SCN2A: variants seen among roughly 807,000 people sequenced by gnomAD.
SCN2A encodes sodium channel protein type 2 subunit alpha.
In SCN2A, 20 loss-of-function variants were observed where a neutral mutation model predicts 188.7. The observed-to-expected ratio is 0.11, with a 90% CI of 0.07 to 0.15. The LOEUF (loss-of-function observed/expected upper bound fraction) is 0.15, where lower values mean the gene tolerates loss of function less well. SCN2A is among the 10% of genes least tolerant of loss of function. The pLI is 1.00. For synonymous variants in SCN2A, 804 were observed against 833.1 expected, an observed-to-expected ratio of 0.97 and a Z score of 0.60; for missense variants, 1,278 against 2,445.0, an observed-to-expected ratio of 0.52 and a Z score of 10.07.
intron 1 of SCN2A, among the ~76,000 whole-genome samples, chr2:165,243,494 C>T (rs1184577219): frequency 1.3e-5 from 2 of 151,562 alleles, no homozygotes; most frequent in African/African-American, 2.4e-5. Context: ...CCCAGCTACT[C>T]GGGAGGCTGA....
chr2:165,285,521 A>G (rs1695788567), intron 1 of SCN2A: 1 of 179,102 alleles, frequency 5.6e-6, no homozygotes, highest in Non-Finnish European at 1.2e-5. Flanking sequence ...ATTTCTGTGG[A>G]CAATTAGGAA....
intron 1 of SCN2A, among the ~76,000 whole-genome samples, chr2:165,240,659 C>CTGTGTGTGTG (rs35247335): frequency 0.12 from 15,690 of 136,228 alleles, 1,075 homozygotes; most frequent in Non-Finnish European, 0.14. Context: ...GTGGAAAGAG[C>CTGTGTGTGTG]TGTGTGTGTG....
intron 13 of SCN2A, among the ~76,000 whole-genome samples, chr2:165,329,748 ACCT>A (rs1322047686): frequency 1.3e-5 from 2 of 152,184 alleles, no homozygotes; most frequent in African/African-American, 4.8e-5. Context: ...AAATAATAAT[ACCT>A]CCTTTTTACC....
intron 20 of SCN2A, chr2:165,372,416 T>C (rs1701085584): frequency 1.3e-5 from 2 of 152,102 alleles, no homozygotes; most frequent in Non-Finnish European, 2.9e-5. Context: ...GCATATTTAT[T>C]TTTATTTATC....
intron 25 of SCN2A, among the ~76,000 whole-genome samples, chr2:165,384,664 GA>G (rs893912023): frequency 3.3e-5 from 5 of 152,054 alleles, no homozygotes; most frequent in African/African-American, 1.2e-4. Flanking sequence ...AAGTGGAAGG[GA>G]AAGAAAACTA....
chr2:165,386,779 A>G lies in SCN2A; in HGVS notation c.4585A>G (p.Thr1529Ala), dbSNP rs1701897272. The G allele has an allele frequency of 6.2e-7, 1 of 1,613,628 alleles. No homozygotes were observed. The highest frequency in any genetic ancestry group is 8.5e-7 in the Non-Finnish European group (1 of 1,179,796). Residue 1529 changes from threonine (T) to alanine (A), a missense_variant, in exon 26 of 27, where the codon ACC (threonine) becomes GCC (alanine). By Grantham distance (58) the Thr-to-Ala change is moderately conservative. Around this residue, in one of 17 missense-constraint regions of SCN2A, gnomAD observed 97 missense variants for 266.1 expected, o/e 0.36. Coordinates refer to ENST00000375437, the MANE Select transcript of SCN2A (RefSeq NM_001040142.2). ...CCAAGGAATGGTCTTTGATTTTGTA[A>G]CCAAACAAGTCTTTGATATCAGCAT... ...KFQGMVFDFV[T>A]KQVFDISIMI...
At chr2:165,299,522 T>C (rs1317593146) in intron 3 of SCN2A, among the ~76,000 whole-genome samples, 1 of 152,226 alleles carries the variant, frequency 6.6e-6, no homozygotes, top group Non-Finnish European at 1.5e-5. Flanking sequence ...ATATTTCAGA[T>C]GTCTCACCTT....
At chr2:165,323,580 T>A in intron 12 of SCN2A, 80 bp downstream of exon 12, 1 of 1,334,538 alleles carries the variant, frequency 7.5e-7, no homozygotes, top group South Asian at 1.3e-5. Flanking sequence ...TTTCCACATC[T>A]AAGAATTTGT....
At chr2:165,365,089 T>A in intron 17 of SCN2A, 54 bp from the exon 18 acceptor site, 1 of 1,509,258 alleles carries the variant, frequency 6.6e-7, no homozygotes, top group Non-Finnish European at 9.1e-7. Flanking sequence ...TTAATTTTTA[T>A]ATTTAGATTA....
intron 1 of SCN2A, among the ~76,000 whole-genome samples, chr2:165,260,821 T>C (rs1413517122): frequency 1.3e-5 from 2 of 151,618 alleles, no homozygotes; most frequent in African/African-American, 2.4e-5. Flanking sequence ...TACAAAAAAA[T>C]GAGTTGGGGG....
intron 1 of SCN2A, among the ~76,000 whole-genome samples, chr2:165,254,536 TA>T (rs2106074246): frequency 6.6e-6 from 1 of 151,832 alleles, no homozygotes; most frequent in South Asian, 2.1e-4. Context: ...TATCAATATT[TA>T]TTTGCTAGAA....
At chr2:165,259,931 A>ATTTTTTTTTTTTTTTTTTTTTTTTT (rs140137535) in intron 1 of SCN2A, among the ~76,000 whole-genome samples, 2 of 89,496 alleles carry the variant, frequency 2.2e-5, no homozygotes, top group Non-Finnish European at 4.1e-5. Flanking sequence ...CTAAAAATGG[A>ATTTTTTTTTTTTTTTTTTTTTTTTT]TTTTTTTTTT....
At position 165,314,075 on chromosome 2, in the gene SCN2A, C is replaced by A; in HGVS notation, c.1350C>A (p.Leu450=). The change falls in exon 10 of 27, where the codon CTC becomes CTA. Residue 450 remains leucine, a synonymous_variant. Transcript: ENST00000375437. ...EQKEAEFQQM[L]EQLKKQQEEA... ...AGGAAGCTGAATTTCAGCAGATGCTCGAACAGTTGAAAAAGCAACAAGAAG... is the reference window on the plus strand; with the variant it reads ...AGGAAGCTGAATTTCAGCAGATGCTAGAACAGTTGAAAAAGCAACAAGAAG... 2 of 1,613,464 alleles carry A rather than the reference C, an allele frequency of 1.2e-6. No individual in the cohort carries two copies. The highest frequency in any genetic ancestry group is 1.7e-6 in the Non-Finnish European group (2 of 1,179,666).
intron 19 of SCN2A, 55 bp from the exon 20 acceptor site, chr2:165,370,071 A>T: frequency 2.0e-6 from 3 of 1,494,656 alleles, no homozygotes; most frequent in African/African-American, 2.8e-5. Flanking sequence ...TTAAGAAATC[A>T]TCAATTAGAG....
chr2:165,268,763 A>G (rs1259870780), intron 1 of SCN2A: 5 of 151,884 alleles, frequency 3.3e-5, no homozygotes, highest in Admixed American at 2.0e-4. Flanking sequence ...AATTGCACAC[A>G]CACACACACG....
At chr2:165,292,520 A>G (rs1289860949) in intron 1 of SCN2A, among the ~76,000 whole-genome samples, 1 of 151,744 alleles carries the variant, frequency 6.6e-6, no homozygotes, top group Non-Finnish European at 1.5e-5. Flanking sequence ...TCTTGTTCCC[A>G]TGTTTATGTC....
At chr2:165,289,858 G>T (rs1696022492) in intron 1 of SCN2A, among the ~76,000 whole-genome samples, 2 of 152,134 alleles carry the variant, frequency 1.3e-5, no homozygotes, top group South Asian at 2.1e-4. Flanking sequence ...AGAAAGAGGT[G>T]ACTCTATAAC....
chr2:165,281,783 C>A (rs1384008833), intron 1 of SCN2A, among the ~76,000 whole-genome samples: 3 of 152,180 alleles, frequency 2.0e-5, no homozygotes, highest in African/African-American at 7.2e-5. Flanking sequence ...TCGTGGGCAG[C>A]CACACAAGGC....
chr2:165,349,524 G>T (rs1264507417), intron 16 of SCN2A, among the ~76,000 whole-genome samples: 1 of 151,820 alleles, frequency 6.6e-6, no homozygotes, highest in Non-Finnish European at 1.5e-5. Flanking sequence ...GCAGAAAATT[G>T]AAGTTGAAAA....
Sources: allele counts gnomAD v4.1 joint callset (sites outside exome capture counted in the v4.1 genomes callset), GRCh38; gene constraint gnomAD v4.1.1; regional missense constraint gnomAD v4.1.1; transcripts MANE v1.5; gene names NCBI Gene and HGNC (gene_info 2026-07-23, HGNC 2026-07-21).